The following LRMDA variants were observed in gnomAD, a reference collection of about 807,000 sequenced individuals.
LRMDA encodes the protein leucine-rich melanocyte differentiation-associated protein.
LRMDA carries 18 observed loss-of-function variants against 29.8 expected under a neutral mutation model. The observed-to-expected ratio is 0.60, with a 90% CI of 0.42 to 0.90. The LOEUF (loss-of-function observed/expected upper bound fraction) is 0.90. Among genes scored for constraint, LRMDA ranks in the 40% least tolerant of loss-of-function variants. The pLI is 0.00. For synonymous variants in LRMDA, 125 were observed against 109.4 expected (o/e 1.14, Z -0.89); for missense variants, 273 against 273.9 (o/e 1.00, Z 0.02).
chr10:75,709,962 G>A (rs1212957975), intron 2 of LRMDA, among the ~76,000 whole-genome samples: 2 of 152,182 alleles, frequency 1.3e-5, no homozygotes, highest in Non-Finnish European at 2.9e-5. Context: ...GGCTGGAAGG[G>A]AACCCTAGTT....
intron 2 of LRMDA, among the ~76,000 whole-genome samples, chr10:75,472,970 A>G (rs1844743615): frequency 6.6e-6 from 1 of 152,228 alleles, no homozygotes; most frequent in Non-Finnish European, 1.5e-5. Flanking sequence ...GGAGATTGGC[A>G]TGATCTGCCG....
intron 2 of LRMDA, among the ~76,000 whole-genome samples, chr10:75,554,549 A>G (rs1840191025): frequency 6.6e-6 from 1 of 152,192 alleles, no homozygotes; most frequent in Admixed American, 6.5e-5. Context: ...AGTTCCTATC[A>G]CTACTCTTAG....
At chr10:76,513,339 G>A (rs921465977) in intron 6 of LRMDA, among the ~76,000 whole-genome samples, 1 of 152,046 alleles carries the variant, frequency 6.6e-6, no homozygotes, top group African/African-American at 2.4e-5. Flanking sequence ...TATATTTTTA[G>A]TACATTTTAG....
chr10:76,537,170 G>A (rs78029130), intron 6 of LRMDA, among the ~76,000 whole-genome samples: 2,248 of 152,176 alleles, frequency 0.015, 19 homozygotes, highest in African/African-American at 0.036. Context: ...CTGCTTTCTG[G>A]CACAACAAAA....
chr10:76,379,958 G>A (rs928459758), intron 6 of LRMDA, among the ~76,000 whole-genome samples: 2 of 152,036 alleles, frequency 1.3e-5, no homozygotes, highest in Non-Finnish European at 2.9e-5. Context: ...CCTTAATTTT[G>A]TCATTGATCC....
At chr10:76,072,483 A>T (rs114602650) in intron 5 of LRMDA, among the ~76,000 whole-genome samples, 303 of 149,554 alleles carry the variant, frequency 2.0e-3, no homozygotes, top group African/African-American at 7.1e-3. Context: ...GCCTTTAATT[A>T]AAAAAAAAAG....
chr10:76,362,385 G>C (rs1190442488), intron 6 of LRMDA, among the ~76,000 whole-genome samples: 1 of 152,150 alleles, frequency 6.6e-6, no homozygotes, highest in Non-Finnish European at 1.5e-5. Context: ...CTGAATCTCA[G>C]TTCCTTCACT....
At chr10:76,237,621 G>A (rs1045007018) in intron 5 of LRMDA, among the ~76,000 whole-genome samples, 4 of 152,006 alleles carry the variant, frequency 2.6e-5, no homozygotes, top group Non-Finnish European at 4.4e-5. Flanking sequence ...TTCAAAGTGG[G>A]AGCAGCAAGC....
At chr10:76,305,295 G>T (rs1840540045) in intron 5 of LRMDA, among the ~76,000 whole-genome samples, 1 of 152,178 alleles carries the variant, frequency 6.6e-6, no homozygotes. Context: ...CTTATAATTG[G>T]TACAAAAGAC....
At chr10:75,651,830 G>T (rs188513373) in intron 2 of LRMDA, among the ~76,000 whole-genome samples, 12 of 152,282 alleles carry the variant, frequency 7.9e-5, no homozygotes, top group African/African-American at 2.9e-4. Context: ...TTTGATGAAA[G>T]ATATGGTATG....
At chr10:76,152,277 G>A (rs543421183) in intron 5 of LRMDA, among the ~76,000 whole-genome samples, 1 of 152,226 alleles carries the variant, frequency 6.6e-6, no homozygotes, top group South Asian at 2.1e-4. Context: ...ACAACATGTA[G>A]CCTTTCATGT....
chr10:76,207,652 C>T (rs1303396404), intron 5 of LRMDA, among the ~76,000 whole-genome samples: 1 of 152,146 alleles, frequency 6.6e-6, no homozygotes, highest in Non-Finnish European at 1.5e-5. Flanking sequence ...TCCACCTCCT[C>T]TGTCCCCTCC....
At chr10:75,600,318 G>A (rs7092767) in intron 2 of LRMDA, among the ~76,000 whole-genome samples, 4,760 of 152,166 alleles carry the variant, frequency 0.031, 243 homozygotes, top group African/African-American at 0.11. Flanking sequence ...TCCCCATTTC[G>A]CTTGCCTTGG....
At chr10:75,518,801 C>T (rs1160213354) in intron 2 of LRMDA, among the ~76,000 whole-genome samples, 4 of 152,112 alleles carry the variant, frequency 2.6e-5, no homozygotes, top group East Asian at 1.9e-4. Flanking sequence ...GTTAGGGTGT[C>T]GATTTTAGAT....
intron 2 of LRMDA, among the ~76,000 whole-genome samples, chr10:75,689,041 A>C (rs1313057756): frequency 6.6e-6 from 1 of 152,030 alleles, no homozygotes; most frequent in Non-Finnish European, 1.5e-5. Context: ...CAAAAAAAAA[A>C]CCCAATTTGG....
rs371556891 is a variant in LRMDA at position 75,559,456 on chromosome 10, C to T, written c.131+120962C>T. On this transcript the variant is annotated intron_variant, in intron 2 of 6. Coordinates refer to ENST00000611255, the MANE Select transcript of LRMDA (RefSeq NM_001305581.2). ...AGCCCTTTGTCAGATGAGTAGGTTG[C>T]GAAAATTTTCTCCCATTTTGTAGGT... 3.6e-4 allele frequency among the ~76,000 whole-genome samples: 55 copies of T among 151,514 alleles called. No homozygotes were observed. In the South Asian group the frequency reaches 5.5e-3, roughly 15 times the overall value.
At chr10:76,062,897 T>C (rs1848725800) in intron 5 of LRMDA, among the ~76,000 whole-genome samples, 1 of 152,034 alleles carries the variant, frequency 6.6e-6, no homozygotes, top group East Asian at 1.9e-4. Context: ...CTCACTGCAC[T>C]GGGAAACATA....
intron 5 of LRMDA, among the ~76,000 whole-genome samples, chr10:76,264,406 C>CAAAAAAAAAAAAA (rs59846541): frequency 3.5e-4 from 12 of 34,294 alleles, no homozygotes; most frequent in Non-Finnish European, 4.2e-4. Flanking sequence ...GACTCTGTCT[C>CAAAAAAAAAAAAA]AAAAAAAAAA....
chr10:76,192,390 A>G (rs1285611468), intron 5 of LRMDA, among the ~76,000 whole-genome samples: 1 of 152,186 alleles, frequency 6.6e-6, no homozygotes, highest in Non-Finnish European at 1.5e-5. Flanking sequence ...AAGAAACTAC[A>G]GCTGTTCCAT....
Sources: allele counts gnomAD v4.1 joint callset (sites outside exome capture counted in the v4.1 genomes callset), GRCh38; gene constraint gnomAD v4.1.1; transcripts MANE v1.5; gene names NCBI Gene and HGNC (gene_info 2026-07-23, HGNC 2026-07-21).